STK3: variants seen among roughly 807,000 people sequenced by gnomAD.
The protein encoded by STK3 is serine/threonine kinase 3, also known as serine/threonine-protein kinase 3.
Under a neutral mutation model 58.0 loss-of-function variants are expected in STK3, and 41 were observed. The ratio of observed to expected loss-of-function variants is 0.71; its 90% CI spans 0.55 to 0.92. The LOEUF is 0.92. STK3 is among the 40% of genes least tolerant of loss of function. The pLI is 0.00. For synonymous variants in STK3, 170 were observed against 191.0 expected (o/e 0.89, Z 0.91); for missense variants, 479 against 602.7 (o/e 0.79, Z 2.15).
At chr8:98,743,525 T>G (rs1829399436) in intron 4 of STK3, among the ~76,000 whole-genome samples, 1 of 152,176 alleles carries the variant, frequency 6.6e-6, no homozygotes, top group Non-Finnish European at 1.5e-5. Flanking sequence ...GAAAACTGGC[T>G]AGCGACATGT....
At chr8:98,614,168 C>T (rs1043195732) in intron 6 of STK3, among the ~76,000 whole-genome samples, 7 of 152,042 alleles carry the variant, frequency 4.6e-5, no homozygotes, top group African/African-American at 1.4e-4. Flanking sequence ...CAGAAGAAAT[C>T]AACAACACCA....
chr8:98,789,799 G>A (rs1169738820), intron 1 of STK3, among the ~76,000 whole-genome samples: 3 of 152,084 alleles, frequency 2.0e-5, no homozygotes, highest in African/African-American at 7.2e-5. Context: ...GGCCGAGGCA[G>A]GTGGATCACC....
chr8:98,859,742 T>C (rs945722564), intron 3 of STK3, among the ~76,000 whole-genome samples: 8 of 152,192 alleles, frequency 5.3e-5, no homozygotes, highest in African/African-American at 1.9e-4. Flanking sequence ...ACCATGCTTA[T>C]GTATAAGGAC....
chr8:98,714,909 G>T (rs932364834), intron 4 of STK3, among the ~76,000 whole-genome samples: 2 of 152,128 alleles, frequency 1.3e-5, no homozygotes, highest in East Asian at 3.8e-4. Context: ...AACCAAAACA[G>T]CATGGTACTG....
intron 1 of STK3, among the ~76,000 whole-genome samples, chr8:98,820,713 C>A (rs1285370272): frequency 6.6e-6 from 1 of 152,208 alleles, no homozygotes; most frequent in Non-Finnish European, 1.5e-5. Context: ...CGCGGTAACT[C>A]AAGCCTGTAA....
At chr8:98,766,351 T>A (rs965072190) in intron 3 of STK3, among the ~76,000 whole-genome samples, 1 of 152,194 alleles carries the variant, frequency 6.6e-6, no homozygotes, top group African/African-American at 2.4e-5. Context: ...TAGATTTACA[T>A]AAAACATGAC....
intron 1 of STK3, among the ~76,000 whole-genome samples, chr8:98,387,469 C>T (rs1324494223): frequency 6.6e-6 from 1 of 152,198 alleles, no homozygotes; most frequent in Non-Finnish European, 1.5e-5. Flanking sequence ...CCTAGAGACA[C>T]TGGGCGTGGT....
At chr8:98,645,251 C>T (rs1302176283) in intron 6 of STK3, among the ~76,000 whole-genome samples, 1 of 152,156 alleles carries the variant, frequency 6.6e-6, no homozygotes, top group Non-Finnish European at 1.5e-5. Context: ...AATCAAAAAT[C>T]ACCAGTAATG....
At chr8:98,389,279 T>C (rs1220933315), upstream of STK3, among the ~76,000 whole-genome samples, 1 of 152,174 alleles carries the variant, frequency 6.6e-6, no homozygotes, top group African/African-American at 2.4e-5. Flanking sequence ...GCCCATATTG[T>C]CTGTAATGCT....
chr8:98,892,269 A>C (rs1432396549), intron 1 of STK3, among the ~76,000 whole-genome samples: 1 of 152,136 alleles, frequency 6.6e-6, no homozygotes, highest in Non-Finnish European at 1.5e-5. Context: ...CTCTGACAGT[A>C]CATAGTTCAG....
At chr8:98,775,476 C>A (rs919960041) in intron 1 of STK3, among the ~76,000 whole-genome samples, 1 of 152,202 alleles carries the variant, frequency 6.6e-6, no homozygotes, top group African/African-American at 2.4e-5. Flanking sequence ...AGGTTCCCCA[C>A]GATGCCCCAC....
intron 3 of STK3, among the ~76,000 whole-genome samples, chr8:98,868,763 G>A (rs1039565822): frequency 6.6e-6 from 1 of 151,882 alleles, no homozygotes; most frequent in East Asian, 1.9e-4. Flanking sequence ...GAGCTCAGGA[G>A]TTCGAGACCA....
chr8:98,435,894 C>T (rs1485686733), intron 2 of STK3, among the ~76,000 whole-genome samples: 1 of 152,174 alleles, frequency 6.6e-6, no homozygotes, highest in African/African-American at 2.4e-5. Flanking sequence ...GACTCCTTAT[C>T]TGCCAACCTA....
chr8:98,664,784 C>T (rs1381050026), intron 6 of STK3, among the ~76,000 whole-genome samples: 1 of 152,048 alleles, frequency 6.6e-6, no homozygotes, highest in Non-Finnish European at 1.5e-5. Context: ...CCTATAATCC[C>T]AGCTACTTGG....
rs537124802 is a variant in STK3, at chr8:98,739,313, A to G, written c.351+9963T>C. 2.7e-3 allele frequency among the ~76,000 whole-genome samples: 416 copies of G among 152,284 alleles called. 2 individuals carry two copies. Among genetic ancestry groups the G allele is most frequent in the Non-Finnish European group, 4.2e-3 (289 of 68,016 alleles). On this transcript the variant is annotated intron_variant, in intron 4 of 10. Transcript: ENST00000419617. ...TCCTCAAGTGGGTCCCTGACCCCTGACCCTGGAGCAGCCTAACTGGGAGGC... is the reference window on the plus strand; with the variant it reads ...TCCTCAAGTGGGTCCCTGACCCCTGGCCCTGGAGCAGCCTAACTGGGAGGC...
At chr8:98,541,154 G>T (rs1210307340) in intron 9 of STK3, among the ~76,000 whole-genome samples, 1 of 152,112 alleles carries the variant, frequency 6.6e-6, no homozygotes, top group Non-Finnish European at 1.5e-5. Context: ...GCTTTCCATT[G>T]ATTTTCTTAA....
chr8:98,388,051 T>C (rs796081230), intron 1 of STK3: 29 of 152,072 alleles, frequency 1.9e-4, no homozygotes, highest in African/African-American at 6.3e-4. Flanking sequence ...TTGCAATGCA[T>C]TGAAACATAT....
chr8:98,889,176 C>T (rs1415353308), intron 1 of STK3, among the ~76,000 whole-genome samples: 1 of 152,196 alleles, frequency 6.6e-6, no homozygotes, highest in African/African-American at 2.4e-5. Flanking sequence ...CCTTTTCAGA[C>T]CTAATTAAAA....
rs543531505 is a variant in STK3 at position 98,673,659 on chromosome 8, T to G, written c.684+32808A>C. Among the ~76,000 whole-genome samples, 3 of 152,186 alleles carry G rather than the reference T, an allele frequency of 2.0e-5. No individual in the cohort carries two copies. In the South Asian group the frequency reaches 6.2e-4, roughly 32 times the overall value. On this transcript the variant is annotated intron_variant, in intron 6 of 10. Coordinates refer to ENST00000419617, the MANE Select transcript of STK3 (RefSeq NM_006281.4). ...GATAAAATGCTTAACAAGTACCGGG[T>G]TGTATTTTGGAGTGAAAGAAATGTT...
Sources: allele counts gnomAD v4.1 joint callset (sites outside exome capture counted in the v4.1 genomes callset), GRCh38; gene constraint gnomAD v4.1.1; transcripts MANE v1.5; gene names NCBI Gene and HGNC (gene_info 2026-07-23, HGNC 2026-07-21).